Variants in AFF3 observed in about 807,000 individuals in gnomAD.
AFF3 encodes AF4/FMR2 family member 3.
Under a neutral mutation model 129.7 loss-of-function variants are expected in AFF3, and 32 were observed. The ratio of observed to expected loss-of-function variants is 0.25; its 90% CI spans 0.19 to 0.33. The LOEUF is 0.33. AFF3 is among the 10% of genes least tolerant of loss of function. The probability of loss-of-function intolerance (pLI) is 1.00; values close to 1 mark genes in which losing one functional copy is unlikely to be tolerated. For synonymous variants in AFF3, 644 were observed against 635.4 expected (o/e 1.01, Z -0.20); for missense variants, 1,373 against 1,592.0 (o/e 0.86, Z 2.34).
At chr2:99,680,227 T>C (rs1558739540) in intron 11 of AFF3, among the ~76,000 whole-genome samples, 1 of 152,216 alleles carries the variant, frequency 6.6e-6, no homozygotes. Context: ...CTATCATTTC[T>C]ATCAAAAAAC....
intron 4 of AFF3, among the ~76,000 whole-genome samples, chr2:100,015,815 G>T (rs1346388023): frequency 2.0e-5 from 3 of 152,194 alleles, no homozygotes; most frequent in African/African-American, 7.2e-5. Flanking sequence ...GTCTTTTGAA[G>T]CTCTGAGTTG....
In AFF3 at chr2:99,944,903, T is replaced by C. The variant is rs189296103; in HGVS notation, c.873+61729A>G. 2.0e-5 allele frequency among the ~76,000 whole-genome samples: 3 copies of C among 152,342 alleles called. No individual in the cohort carries two copies. The East Asian group carries it at 5.8e-4, about 29-fold the overall frequency. ...TATATGAACCATAAGAAGCTAATTA[T>C]TGGATTTTTTAAAAAACAGACTTAG... On this transcript the variant is annotated intron_variant, in intron 7 of 24. Coordinates refer to ENST00000672756, the MANE Select transcript of AFF3 (RefSeq NM_001386135.1).
At chr2:100,047,204 G>A (rs569005955) in intron 4 of AFF3, among the ~76,000 whole-genome samples, 1 of 152,376 alleles carries the variant, frequency 6.6e-6, no homozygotes, top group South Asian at 2.1e-4. Context: ...CTCTTGAGCA[G>A]TGCTGAGCCA....
At chr2:99,803,001 A>C (rs1208385466) in intron 8 of AFF3, among the ~76,000 whole-genome samples, 1 of 152,146 alleles carries the variant, frequency 6.6e-6, no homozygotes, top group Admixed American at 6.5e-5. Flanking sequence ...TATCCTGAAT[A>C]GAAGTGGTGA....
chr2:99,678,936 C>T (rs540141134), intron 11 of AFF3, among the ~76,000 whole-genome samples: 1 of 152,216 alleles, frequency 6.6e-6, no homozygotes, highest in Non-Finnish European at 1.5e-5. Flanking sequence ...TTTTCATTAA[C>T]AAGTAACCAC....
intron 7 of AFF3, among the ~76,000 whole-genome samples, chr2:99,993,142 T>C (rs950975365): frequency 2.0e-5 from 3 of 152,188 alleles, no homozygotes; most frequent in Non-Finnish European, 4.4e-5. Flanking sequence ...TGCCTCAGAT[T>C]GACAATGATA....
In AFF3 at chr2:99,696,454, C is replaced by T. The variant is rs964157003; in HGVS notation, c.1092-23865G>A. On this transcript the variant is annotated intron_variant, in intron 11 of 24. Transcript: ENST00000672756. ...AAAAGGTCTAATGCAGGGTGTGCAT[C>T]GGCATCCTACACAGTTATATCTGCA... is the stretch of plus-strand genomic sequence containing the variant. Among the ~76,000 whole-genome samples, 15 of 152,252 alleles carry T rather than the reference C, an allele frequency of 9.9e-5. No homozygotes were observed. The East Asian group carries it at 2.9e-3, about 29-fold the overall frequency.
At chr2:99,575,201 C>T (rs768432848) in intron 18 of AFF3, among the ~76,000 whole-genome samples, 3 of 152,050 alleles carry the variant, frequency 2.0e-5, no homozygotes, top group Non-Finnish European at 4.4e-5. Context: ...ACATTCTAGC[C>T]CAGTGATCTC....
At chr2:100,092,539 T>C (rs1304938683) in intron 4 of AFF3, among the ~76,000 whole-genome samples, 1 of 152,210 alleles carries the variant, frequency 6.6e-6, no homozygotes, top group Non-Finnish European at 1.5e-5. Context: ...TGGAAAATGT[T>C]TGAGCTCCTT....
intron 11 of AFF3, among the ~76,000 whole-genome samples, chr2:99,697,761 C>T (rs1676438171): frequency 6.6e-6 from 1 of 152,208 alleles, no homozygotes; most frequent in Non-Finnish European, 1.5e-5. Context: ...CCATAACTTC[C>T]TTGTGCTTTC....
chr2:100,049,189 CACAG>C (rs1686080082), intron 4 of AFF3, among the ~76,000 whole-genome samples: 1 of 152,148 alleles, frequency 6.6e-6, no homozygotes. Flanking sequence ...ATCTGGTGGC[CACAG>C]CCTTATTCAT....
In AFF3 at chr2:99,813,439, TTAA is replaced by T. The variant is rs544886495; in HGVS notation, c.921+24035_921+24037del. ...TACTAAATTAAAAGAGGACTAGGTCTTAATAAGAATTCACTTTGCCTTCAGGCT... is the reference window on the plus strand; with the variant it reads ...TACTAAATTAAAAGAGGACTAGGTCTTAAGAATTCACTTTGCCTTCAGGCT... On this transcript the variant is annotated intron_variant, in intron 8 of 24. Coordinates refer to ENST00000672756, the MANE Select transcript of AFF3 (RefSeq NM_001386135.1). 1.3e-3 allele frequency among the ~76,000 whole-genome samples: 200 copies of T among 152,324 alleles called. 1 individual carries two copies. Among genetic ancestry groups the T allele is most frequent in the Admixed American group, 7.4e-3 (113 of 15,300 alleles).
At position 99,936,397 on chromosome 2, in the gene AFF3, C is replaced by T. The variant is rs1412427221; in HGVS notation, c.873+70235G>A. ...GATGGGTTTTACCCTAATCAGACCA[C>T]CCAGAAATGAAAGGGACAAGGGAGC... On this transcript the variant is annotated intron_variant, in intron 7 of 24. Coordinates refer to ENST00000672756, the MANE Select transcript of AFF3 (RefSeq NM_001386135.1). 2.0e-5 allele frequency among the ~76,000 whole-genome samples: 3 copies of T among 152,018 alleles called. No individual in the cohort carries two copies. The East Asian group carries it at 5.8e-4, about 29-fold the overall frequency.
chr2:99,562,930 C>A (rs897307903), intron 20 of AFF3, among the ~76,000 whole-genome samples: 1 of 152,036 alleles, frequency 6.6e-6, no homozygotes, highest in Non-Finnish European at 1.5e-5. Context: ...GTACTGCCTG[C>A]GGAGAGTGGA....
In AFF3 at chr2:99,694,662, A is replaced by G. The variant is rs143776242; in HGVS notation, c.1092-22073T>C. On this transcript the variant is annotated intron_variant, in intron 11 of 24. Transcript: ENST00000672756. ...TTTAAATTTTCTAGGAGCTATGTTA[A>G]AAAAGCCAACAAAAACAAAAACAAA... 9.8e-4 allele frequency among the ~76,000 whole-genome samples: 150 copies of G among 152,302 alleles called. 1 individual carries two copies. The highest frequency in any genetic ancestry group is 3.5e-3 in the African/African-American group (144 of 41,556).
chr2:99,633,477 A>C (rs1005408313), intron 13 of AFF3, among the ~76,000 whole-genome samples: 1 of 152,154 alleles, frequency 6.6e-6, no homozygotes, highest in Non-Finnish European at 1.5e-5. Flanking sequence ...GGAAAGGAAA[A>C]CAGCTCCAGG....
intron 7 of AFF3, among the ~76,000 whole-genome samples, chr2:99,982,848 G>C (rs1002655730): frequency 6.6e-6 from 1 of 152,042 alleles, no homozygotes; most frequent in African/African-American, 2.4e-5. Flanking sequence ...ATTAAAGATG[G>C]GAAAGTTCAA....
chr2:99,969,818 T>C (rs1678175897), intron 7 of AFF3, among the ~76,000 whole-genome samples: 1 of 152,210 alleles, frequency 6.6e-6, no homozygotes, highest in South Asian at 2.1e-4. Context: ...TAGATACAAA[T>C]TTTAAAATTA....
chr2:99,582,720 G>A (rs927392595), intron 17 of AFF3, 78 bp downstream of exon 17: 4 of 1,488,232 alleles, frequency 2.7e-6, no homozygotes, highest in Non-Finnish European at 3.7e-6. Context: ...TGTTCAGACT[G>A]TGCTAGGTTA....
Sources: gnomAD v4.1 joint callset for allele counts (sites outside exome capture counted in the v4.1 genomes callset) on GRCh38, gnomAD v4.1.1 for gene constraint, MANE v1.5 for transcripts, NCBI Gene and HGNC (gene_info 2026-07-23, HGNC 2026-07-21) for gene names.